The following MCUB variants were observed in gnomAD, a reference collection of about 807,000 sequenced individuals.
MCUB encodes the protein calcium uniporter regulatory subunit MCUb, mitochondrial.
In MCUB, 46 loss-of-function variants were observed where a neutral mutation model predicts 41.4. That is an observed-to-expected ratio of 1.11 (90% confidence interval 0.88 to 1.42). The LOEUF (loss-of-function observed/expected upper bound fraction) is 1.42. Among genes scored for constraint, MCUB ranks in the 40% most tolerant of loss-of-function variants. The probability of loss-of-function intolerance (pLI) is 0.00; values close to 1 mark genes in which losing one functional copy is unlikely to be tolerated. For missense variants in MCUB, 403 were observed against 404.9 expected (o/e 1.00, Z 0.04); for synonymous variants, 148 against 148.2 (o/e 1.00, Z 0.01).
In MCUB at chr4:109,684,314, G is replaced by A. The variant is rs533664765; in HGVS notation, c.613-129G>A. On this transcript the variant is annotated intron_variant, in intron 5 of 7. Transcript: ENST00000394650. ...CCTGACCTCGTGATCCGCCCACCTC[G>A]GCCTCCCAGAGTGCTGAGATTACAG... The A allele has an allele frequency of 1.4e-3, 839 of 609,670 alleles. 14 individuals carry two copies. The East Asian group carries it at 0.024, about 18-fold the overall frequency. The allele number at this position is 609,670 out of a possible 1,614,324, so 37.8% of individuals were successfully genotyped here.
intron 4 of MCUB, chr4:109,673,914 T>C: frequency 1.3e-6 from 1 of 778,472 alleles, no homozygotes. Flanking sequence ...TTCGAAAAGC[T>C]AAAGAGGCAC....
chr4:109,632,322 G>A (rs72674820), intron 1 of MCUB, among the ~76,000 whole-genome samples: 41,924 of 151,968 alleles, frequency 0.28, 5,982 homozygotes, highest in African/African-American at 0.31. Flanking sequence ...TTCAGAGTAT[G>A]CATAAAGTAA....
intron 1 of MCUB, among the ~76,000 whole-genome samples, chr4:109,642,892 GATT>G (rs1244541254): frequency 1.0e-5 from 1 of 98,474 alleles, no homozygotes; most frequent in African/African-American, 3.6e-5. Flanking sequence ...CTCTCAGCTA[GATT>G]TTTTTTTTTT....
chr4:109,574,030 T>C (rs1293452085), intron 1 of MCUB, among the ~76,000 whole-genome samples: 2 of 151,716 alleles, frequency 1.3e-5, no homozygotes, highest in African/African-American at 2.4e-5. Flanking sequence ...GCCACCACCA[T>C]GCCCGGCTAA....
intron 4 of MCUB, among the ~76,000 whole-genome samples, chr4:109,680,653 C>G (rs1225090311): frequency 6.6e-6 from 1 of 152,080 alleles, no homozygotes; most frequent in Non-Finnish European, 1.5e-5. Flanking sequence ...GCAGCTATAG[C>G]CTAGACTATG....
At chr4:109,678,778 A>G (rs1258583228) in intron 4 of MCUB, among the ~76,000 whole-genome samples, 2 of 139,756 alleles carry the variant, frequency 1.4e-5, no homozygotes, top group African/African-American at 5.5e-5. Flanking sequence ...CTCACTTCCC[A>G]GACGATGGGT....
At chr4:109,649,266 C>T (rs1040045936) in intron 1 of MCUB, among the ~76,000 whole-genome samples, 4 of 152,148 alleles carry the variant, frequency 2.6e-5, no homozygotes, top group Non-Finnish European at 5.9e-5. Context: ...TTTTCCTTTG[C>T]TCATTTTCTT....
chr4:109,674,920 G>A (rs1374230242), intron 4 of MCUB, among the ~76,000 whole-genome samples: 1 of 152,120 alleles, frequency 6.6e-6, no homozygotes, highest in Admixed American at 6.5e-5. Flanking sequence ...TACCTATAAC[G>A]GATTTGATTA....
chr4:109,605,748 C>A (rs1727855023), intron 1 of MCUB, among the ~76,000 whole-genome samples: 1 of 151,904 alleles, frequency 6.6e-6, no homozygotes, highest in Non-Finnish European at 1.5e-5. Flanking sequence ...TGTTATATTC[C>A]CTTGGTGAAT....
intron 4 of MCUB, among the ~76,000 whole-genome samples, chr4:109,675,657 C>G (rs1048247011): frequency 3.9e-5 from 6 of 152,160 alleles, no homozygotes; most frequent in Admixed American, 1.3e-4. Context: ...AAACTTGATC[C>G]CCAGTGTTGT....
At chr4:109,592,920 A>G (rs1347833061) in intron 1 of MCUB, among the ~76,000 whole-genome samples, 1 of 152,248 alleles carries the variant, frequency 6.6e-6, no homozygotes, top group East Asian at 1.9e-4. Context: ...TTTGAGAGTA[A>G]CAGACTCAGA....
chr4:109,597,244 T>A (rs1296406160), intron 1 of MCUB, among the ~76,000 whole-genome samples: 1 of 152,160 alleles, frequency 6.6e-6, no homozygotes, highest in African/African-American at 2.4e-5. Context: ...AATGAGCTGT[T>A]GGGCACACCT....
intron 1 of MCUB, among the ~76,000 whole-genome samples, chr4:109,583,554 T>A (rs1178725958): frequency 1.3e-5 from 2 of 152,224 alleles, no homozygotes; most frequent in Non-Finnish European, 2.9e-5. Flanking sequence ...TACACTTTAT[T>A]TCTTTCTCTT....
chr4:109,639,106 A>G (rs1728662251), intron 1 of MCUB, among the ~76,000 whole-genome samples: 1 of 152,130 alleles, frequency 6.6e-6, no homozygotes, highest in South Asian at 2.1e-4. Context: ...AGAATGGTGA[A>G]CCCTTTCTAG....
chr4:109,574,757 C>T (rs750518988), intron 1 of MCUB, among the ~76,000 whole-genome samples: 2 of 152,246 alleles, frequency 1.3e-5, no homozygotes, highest in Admixed American at 6.5e-5. Flanking sequence ...AGCACTGCCA[C>T]GCTGGTCAGG....
chr4:109,626,415 A>G (rs1728360182), intron 1 of MCUB, among the ~76,000 whole-genome samples: 1 of 152,246 alleles, frequency 6.6e-6, no homozygotes, highest in South Asian at 2.1e-4. Flanking sequence ...GCTGTAGTAC[A>G]TAGGTGCTAT....
chr4:109,682,264 C>T (rs1161848937), intron 4 of MCUB, among the ~76,000 whole-genome samples: 2 of 151,490 alleles, frequency 1.3e-5, no homozygotes, highest in African/African-American at 2.4e-5. Flanking sequence ...CTTGTAGCTG[C>T]TTATGCTCAA....
chr4:109,665,241 A>T (rs1383323404), intron 4 of MCUB, among the ~76,000 whole-genome samples: 2 of 152,218 alleles, frequency 1.3e-5, no homozygotes, highest in African/African-American at 4.8e-5. Context: ...TGTTTTTATT[A>T]ATCTTTCTTA....
chr4:109,653,763 T>A (rs554440793), intron 1 of MCUB, among the ~76,000 whole-genome samples: 1 of 152,262 alleles, frequency 6.6e-6, no homozygotes, highest in African/African-American at 2.4e-5. Flanking sequence ...TTTGTAGAGA[T>A]GGGGTTTCAC....
Sources: allele counts gnomAD v4.1 joint callset (sites outside exome capture counted in the v4.1 genomes callset), GRCh38; gene constraint gnomAD v4.1.1; transcripts MANE v1.5; gene names NCBI Gene and HGNC (gene_info 2026-07-23, HGNC 2026-07-21).